Variants in EML6 observed in about 807,000 individuals in gnomAD.
The protein encoded by EML6 is EMAP like 6, also known as echinoderm microtubule-associated protein-like 6.
A neutral mutation model predicts 240.1 loss-of-function variants in EML6; 154 were observed. That is an observed-to-expected ratio of 0.64 (90% CI 0.56 to 0.73). EML6 has a LOEUF of 0.73. Ranked by LOEUF, EML6 falls within the 30% of genes least tolerant of loss-of-function variation. EML6 has a pLI of 0.00. For missense variants in EML6, 2,964 were observed against 2,474.6 expected (o/e 1.20, Z -4.20); for synonymous variants, 1,148 against 899.0 (o/e 1.28, Z -4.95).
At chr2:54,833,477 T>C (rs764025053) in intron 7 of EML6, among the ~76,000 whole-genome samples, 8 of 152,376 alleles carry the variant, frequency 5.3e-5, no homozygotes, top group Non-Finnish European at 1.0e-4. Context: ...ATCTTTGTAG[T>C]AGCTTGAGCT....
At chr2:54,866,947 T>C in intron 14 of EML6, 63 bp downstream of exon 14, 1 of 971,468 alleles carries the variant, frequency 1.0e-6, no homozygotes, top group Non-Finnish European at 1.6e-6. Flanking sequence ...GTCACCAACC[T>C]TAGCACCAGG....
intron 28 of EML6, among the ~76,000 whole-genome samples, chr2:54,948,129 C>T (rs1249827986): frequency 6.6e-6 from 1 of 152,188 alleles, no homozygotes; most frequent in East Asian, 1.9e-4. Context: ...TTTAAGGAAA[C>T]CCCACGTCAC....
chr2:54,940,652 A>G (rs1438055789), intron 28 of EML6, among the ~76,000 whole-genome samples: 1 of 152,240 alleles, frequency 6.6e-6, no homozygotes, highest in East Asian at 1.9e-4. Context: ...TGTCTTCAAG[A>G]TGCTGTGCAA....
chr2:54,919,275 T>C (rs948132139), intron 26 of EML6, among the ~76,000 whole-genome samples: 4 of 146,424 alleles, frequency 2.7e-5, no homozygotes, highest in African/African-American at 5.0e-5. Flanking sequence ...AAAAGTCTTA[T>C]TTTTTGTCTT....
At chr2:54,804,291 C>G (rs1463077041) in intron 2 of EML6, among the ~76,000 whole-genome samples, 1 of 152,208 alleles carries the variant, frequency 6.6e-6, no homozygotes, top group Non-Finnish European at 1.5e-5. Context: ...AGATACAACC[C>G]TCAATGCTTG....
At position 54,893,196 on chromosome 2, in the gene EML6, T is replaced by A. The variant is rs1291948949; in HGVS notation, c.2742+540T>A. On this transcript the variant is annotated intron_variant, in intron 19 of 41. Transcript: ENST00000356458. ...TCATAATTGCCCTGGTCTGTCTACT[T>A]GCCTTGCAGTGTCCCTCTACAAAGA... 7.2e-5 allele frequency among the ~76,000 whole-genome samples: 11 copies of A among 152,296 alleles called. 1 individual carries two copies. The highest frequency in any genetic ancestry group is 2.6e-4 in the African/African-American group (11 of 41,574).
chr2:54,899,897 C>A, intron 22 of EML6, 115 bp downstream of exon 22: 1 of 1,012,038 alleles, frequency 9.9e-7, no homozygotes, highest in Non-Finnish European at 1.4e-6. Context: ...CATAAATATG[C>A]TGGGCAATGA....
chr2:54,826,036 C>T (rs1668575299), intron 5 of EML6, among the ~76,000 whole-genome samples: 1 of 152,198 alleles, frequency 6.6e-6, no homozygotes, highest in Admixed American at 6.5e-5. Flanking sequence ...TTCCTGCCAC[C>T]CGGGCACAGT....
chr2:54,811,125 C>G (rs557104220), intron 2 of EML6, among the ~76,000 whole-genome samples: 28 of 152,248 alleles, frequency 1.8e-4, no homozygotes, highest in African/African-American at 6.3e-4. Context: ...CCCTCCCTGT[C>G]TCTCCCTGGT....
chr2:54,933,708 G>C (rs1323097544), intron 28 of EML6, among the ~76,000 whole-genome samples: 1 of 152,006 alleles, frequency 6.6e-6, no homozygotes, highest in Non-Finnish European at 1.5e-5. Context: ...CTCCAGCCTG[G>C]GTGACAGAGT....
chr2:54,937,901 G>C (rs1044916581), intron 28 of EML6, among the ~76,000 whole-genome samples: 1 of 152,186 alleles, frequency 6.6e-6, no homozygotes, highest in Non-Finnish European at 1.5e-5. Flanking sequence ...GAGAATCAAA[G>C]CAAAACTTGG....
At chr2:54,837,926 G>A (rs918875388) in intron 7 of EML6, among the ~76,000 whole-genome samples, 1 of 152,128 alleles carries the variant, frequency 6.6e-6, no homozygotes, top group Non-Finnish European at 1.5e-5. Flanking sequence ...TGGAACATGG[G>A]TTTTAAGAAC....
chr2:54,930,093 A>G (rs1674773778), intron 28 of EML6, among the ~76,000 whole-genome samples: 2 of 152,202 alleles, frequency 1.3e-5, no homozygotes, highest in East Asian at 1.9e-4. Context: ...CTTTGGAAAA[A>G]AAAAAATTAC....
At chr2:54,835,120 G>C (rs1481247846) in intron 7 of EML6, among the ~76,000 whole-genome samples, 1 of 152,076 alleles carries the variant, frequency 6.6e-6, no homozygotes, top group African/African-American at 2.4e-5. Flanking sequence ...TCAAACCTTT[G>C]CTCAAATAAA....
At chr2:54,801,029 C>T (rs748924730) in intron 2 of EML6, among the ~76,000 whole-genome samples, 3 of 151,962 alleles carry the variant, frequency 2.0e-5, no homozygotes, top group Admixed American at 1.3e-4. Context: ...CTTTAAAAGT[C>T]GCTCATTGAG....
At chr2:54,743,389 T>A (rs1022689123) in intron 2 of EML6, among the ~76,000 whole-genome samples, 13 of 152,256 alleles carry the variant, frequency 8.5e-5, no homozygotes, top group African/African-American at 3.1e-4. Flanking sequence ...TTTTTTCTCA[T>A]CAATGTTGTA....
At chr2:54,762,046 A>G (rs1668003982) in intron 2 of EML6, among the ~76,000 whole-genome samples, 1 of 152,212 alleles carries the variant, frequency 6.6e-6, no homozygotes, top group Non-Finnish European at 1.5e-5. Flanking sequence ...AGTAATGCCA[A>G]TAATTGCCTT....
At chr2:54,864,960 T>A (rs967659794) in intron 13 of EML6, among the ~76,000 whole-genome samples, 1 of 152,240 alleles carries the variant, frequency 6.6e-6, no homozygotes, top group Admixed American at 6.5e-5. Flanking sequence ...ACACATTGTA[T>A]TATGCAATAT....
At chr2:54,907,136 G>C (rs925674995) in intron 24 of EML6, among the ~76,000 whole-genome samples, 1 of 152,180 alleles carries the variant, frequency 6.6e-6, no homozygotes, top group Non-Finnish European at 1.5e-5. Context: ...TGTATGGAGG[G>C]AGAGAAAACA....
Sources: allele counts gnomAD v4.1 joint callset (sites outside exome capture counted in the v4.1 genomes callset), GRCh38; gene constraint gnomAD v4.1.1; transcripts MANE v1.5; gene names NCBI Gene and HGNC (gene_info 2026-07-23, HGNC 2026-07-21).